BRD4: variants seen among roughly 807,000 people sequenced by gnomAD.
The protein encoded by BRD4 is bromodomain-containing protein 4.
Under a neutral mutation model 142.1 loss-of-function variants are expected in BRD4, and 16 were observed. The observed-to-expected ratio is 0.11, with a 90% CI of 0.08 to 0.17. BRD4 has a LOEUF of 0.17. BRD4 is among the 10% of genes least tolerant of loss of function. The pLI, the probability that BRD4 is intolerant of heterozygous loss-of-function variation, is 1.00. For synonymous variants in BRD4, 833 were observed against 707.5 expected, an observed-to-expected ratio of 1.18 and a Z score of -2.82; for missense variants, 1,424 against 1,810.9, an observed-to-expected ratio of 0.79 and a Z score of 3.88.
At chr19:15,256,756 C>T (rs2047413531) in intron 8 of BRD4, among the ~76,000 whole-genome samples, 2 of 152,158 alleles carry the variant, frequency 1.3e-5, no homozygotes, top group Admixed American at 1.3e-4. Context: ...CCTCCCCATC[C>T]CCAACCGCAA....
intron 1 of BRD4, among the ~76,000 whole-genome samples, chr19:15,309,456 C>T (rs1207230674): frequency 6.6e-6 from 1 of 152,082 alleles, no homozygotes; most frequent in African/African-American, 2.4e-5. Context: ...AACTGGAACC[C>T]TCATATGTCC....
At position 15,267,410 on chromosome 19, in the gene BRD4, C is replaced by G; in HGVS notation, c.559+6G>C. ...AGCCAATTTACTTGCTATTTCAGTA[C>G]TCTACCTGTTTCTTTCCTCCCACGT... On this transcript the variant is annotated splice_donor_region_variant and intron_variant, in intron 4 of 19. Coordinates refer to ENST00000679869, the MANE Select transcript of BRD4 (RefSeq NM_001379291.1). The G allele has an allele frequency of 6.2e-7, 1 of 1,613,676 alleles. No individual in the cohort carries two copies. The highest frequency in any genetic ancestry group is 1.1e-5 in the South Asian group (1 of 90,964).
intron 1 of BRD4, among the ~76,000 whole-genome samples, chr19:15,311,885 T>C (rs193012556): frequency 4.1e-4 from 62 of 152,190 alleles, no homozygotes; most frequent in African/African-American, 1.3e-3. Flanking sequence ...GTCAAACTCA[T>C]AGAAACAGAA....
intron 1 of BRD4, among the ~76,000 whole-genome samples, chr19:15,287,879 G>T (rs1242666266): frequency 3.3e-5 from 5 of 150,754 alleles, no homozygotes; most frequent in Non-Finnish European, 4.4e-5. Flanking sequence ...GGCGATTCTT[G>T]TGCCTCAGCC....
At chr19:15,295,017 G>A (rs1239608534) in intron 1 of BRD4, among the ~76,000 whole-genome samples, 1 of 152,196 alleles carries the variant, frequency 6.6e-6, no homozygotes, top group Non-Finnish European at 1.5e-5. Flanking sequence ...ACTTTGTGCT[G>A]TTTACAATTT....
intron 1 of BRD4, among the ~76,000 whole-genome samples, chr19:15,315,328 G>A (rs553015095): frequency 6.6e-6 from 1 of 152,172 alleles, no homozygotes; most frequent in African/African-American, 2.4e-5. Flanking sequence ...AATCACCACC[G>A]GAGACATTAG....
At position 15,299,208 on chromosome 19, in the gene BRD4, C is replaced by T. The variant is rs192501229; in HGVS notation, c.-34-26075G>A. Among the ~76,000 whole-genome samples the T allele has an allele frequency of 1.3e-4, 20 of 152,260 alleles. No individual in the cohort carries two copies. In the East Asian group the frequency reaches 2.9e-3, roughly 22 times the overall value. ...CGTGTCTGTCTTAAGGGAGAAGGCC[C>T]CATCACTCTATGAGAAGTGACCATC... is the stretch of plus-strand genomic sequence containing the variant. On this transcript the variant is annotated intron_variant, in intron 1 of 19. Coordinates refer to ENST00000679869, the MANE Select transcript of BRD4 (RefSeq NM_001379291.1).
chr19:15,242,928 C>G lies in BRD4; in HGVS notation c.3141G>C (p.Arg1047=). The G allele has an allele frequency of 6.2e-7, 1 of 1,604,986 alleles. No individual in the cohort carries two copies. The highest frequency in any genetic ancestry group is 1.1e-5 in the South Asian group (1 of 89,738). ...QQVIQHHHSP[R]HHKSDPYSTG... Reference sequence around the variant, plus strand: ...TTGAGTAGGGGTCCGACTTGTGGTGCCGGGGTGAATGGTGGTGCTGGATGA... The same window carrying G: ...TTGAGTAGGGGTCCGACTTGTGGTGGCGGGGTGAATGGTGGTGCTGGATGA... Residue 1047 remains arginine, a synonymous_variant, in exon 14 of 20, where the codon CGG becomes CGC. Coordinates refer to ENST00000679869, the MANE Select transcript of BRD4 (RefSeq NM_001379291.1).
intron 1 of BRD4, among the ~76,000 whole-genome samples, chr19:15,314,886 G>A (rs994503587): frequency 4.6e-5 from 7 of 152,144 alleles, no homozygotes; most frequent in Non-Finnish European, 8.8e-5. Context: ...ACCAGACCTT[G>A]GAAGATGGAG....
chr19:15,298,259 T>C (rs2047839585), intron 1 of BRD4, among the ~76,000 whole-genome samples: 1 of 152,248 alleles, frequency 6.6e-6, no homozygotes, highest in South Asian at 2.1e-4. Flanking sequence ...TTGCCTTGAA[T>C]CTTAGCTAAG....
At chr19:15,324,692 G>C (rs1044694418) in intron 1 of BRD4, among the ~76,000 whole-genome samples, 1 of 152,186 alleles carries the variant, frequency 6.6e-6, no homozygotes, top group South Asian at 2.1e-4. Flanking sequence ...CCCTGACCAA[G>C]TCTTTGTGTT....
At chr19:15,299,982 T>A (rs2047854115) in intron 1 of BRD4, among the ~76,000 whole-genome samples, 1 of 152,214 alleles carries the variant, frequency 6.6e-6, no homozygotes, top group African/African-American at 2.4e-5. Flanking sequence ...CAGTGATTCA[T>A]GCCTGCAATC....
At chr19:15,326,347 G>C (rs2048108235) in intron 1 of BRD4, among the ~76,000 whole-genome samples, 2 of 151,478 alleles carry the variant, frequency 1.3e-5, no homozygotes, top group Non-Finnish European at 2.9e-5. Flanking sequence ...GGCGCCTGTA[G>C]TCCCAGCTAC....
chr19:15,280,765 C>T (rs151092461), intron 1 of BRD4, among the ~76,000 whole-genome samples: 25 of 152,306 alleles, frequency 1.6e-4, no homozygotes, highest in African/African-American at 5.8e-4. Context: ...GGTCACCTCT[C>T]CACCGCTCCA....
intron 3 of BRD4, 47 bp downstream of exon 3, chr19:15,268,858 C>CCCT: frequency 6.2e-7 from 1 of 1,607,652 alleles, no homozygotes; most frequent in Non-Finnish European, 8.5e-7. Flanking sequence ...CCGTCGCCTC[C>CCCT]CCTCCTCTCT....
chr19:15,298,479 G>A (rs1477428406), intron 1 of BRD4, among the ~76,000 whole-genome samples: 8 of 151,788 alleles, frequency 5.3e-5, no homozygotes, highest in Admixed American at 2.0e-4. Context: ...AAATTAGCCC[G>A]GCACGGTGGC....
chr19:15,251,390 T>C (rs138033808), intron 11 of BRD4, among the ~76,000 whole-genome samples: 1,342 of 121,982 alleles, frequency 0.011, 11 homozygotes, highest in Admixed American at 0.018. Context: ...GTGACAAAAA[T>C]AGGCCCTTTC....
intron 1 of BRD4, among the ~76,000 whole-genome samples, chr19:15,323,608 G>A (rs1372048015): frequency 1.3e-5 from 2 of 152,114 alleles, no homozygotes; most frequent in Non-Finnish European, 2.9e-5. Flanking sequence ...AGGAACAACT[G>A]CAGACATTAG....
intron 5 of BRD4, 98 bp from the exon 6 acceptor site, chr19:15,264,864 C>T (rs1173963225): frequency 1.3e-6 from 2 of 1,502,890 alleles, no homozygotes; most frequent in Non-Finnish European, 8.9e-7. Flanking sequence ...TCTTGGGGCC[C>T]ATCGCTCACA....
Sources: allele counts gnomAD v4.1 joint callset (sites outside exome capture counted in the v4.1 genomes callset), GRCh38; gene constraint gnomAD v4.1.1; transcripts MANE v1.5; gene names NCBI Gene and HGNC (gene_info 2026-07-23, HGNC 2026-07-21).